Variants in SEC11C observed in about 807,000 individuals in gnomAD.
SEC11C encodes signal peptidase complex catalytic subunit SEC11C.
Under a neutral mutation model 21.9 loss-of-function variants are expected in SEC11C, and 10 were observed. That is an observed-to-expected ratio of 0.46 (90% CI 0.28 to 0.77). SEC11C has a LOEUF of 0.77. Among genes scored for constraint, SEC11C ranks in the 30% least tolerant of loss-of-function variants. The pLI is 0.12. For missense variants in SEC11C, 145 were observed against 244.5 expected (o/e 0.59, Z 2.71); for synonymous variants, 83 against 85.6 (o/e 0.97, Z 0.17).
intron 4 of SEC11C, chr18:59,157,168 TTA>T (rs2069427569): frequency 6.4e-6 from 1 of 156,592 alleles, no homozygotes; most frequent in African/African-American, 2.4e-5. Context: ...CATTTATTTG[TTA>T]TATCTGACAA....
intron 1 of SEC11C, among the ~76,000 whole-genome samples, chr18:59,140,612 A>G (rs1265557789): frequency 1.3e-5 from 2 of 152,100 alleles, no homozygotes; most frequent in African/African-American, 2.4e-5. Context: ...ATCATTGTGG[A>G]CTCAACCAGT....
rs1172135178 is a variant in SEC11C at position 59,149,476 on chromosome 18, AT to A, written c.88-35del. ...TTCACAGGTTGGTGGATCTTCTGCT[AT>A]TGGTTTTCATCGTGGTTTCCTCTTT... On this transcript the variant is annotated intron_variant, in intron 1 of 5. Coordinates refer to ENST00000587834, the MANE Select transcript of SEC11C (RefSeq NM_033280.4). 10 of 1,364,044 alleles carry A rather than the reference AT, an allele frequency of 7.3e-6. No individual in the cohort carries two copies. The South Asian group carries it at 1.1e-4, about 15-fold the overall frequency. The allele number at this position is 1,364,044 out of a possible 1,614,324, so 84.5% of individuals were successfully genotyped here.
chr18:59,144,774 A>G (rs1443333591), intron 1 of SEC11C, among the ~76,000 whole-genome samples: 1 of 151,032 alleles, frequency 6.6e-6, no homozygotes, highest in Non-Finnish European at 1.5e-5. Context: ...AAAAAAAGGA[A>G]GGGGTTGCAA....
chr18:59,157,730 C>A, intron 5 of SEC11C, 65 bp downstream of exon 5: 2 of 1,107,418 alleles, frequency 1.8e-6, no homozygotes, highest in Non-Finnish European at 1.4e-6. Context: ...ACTTCTGCAA[C>A]TGTAAACAGG....
chr18:59,154,852 G>T (rs552318876), intron 3 of SEC11C, among the ~76,000 whole-genome samples: 5 of 152,176 alleles, frequency 3.3e-5, no homozygotes, highest in Non-Finnish European at 5.9e-5. Context: ...GATCACTTGA[G>T]GTCAGGAGTT....
chr18:59,155,657 A>G (rs773763624), intron 3 of SEC11C, 31 bp from the exon 4 acceptor site: 4 of 1,602,524 alleles, frequency 2.5e-6, no homozygotes, highest in East Asian at 2.2e-5. Context: ...GCTGAAAATA[A>G]TTTTTGAGAA....
rs926694296 is a variant in SEC11C at position 59,154,762 on chromosome 18, A to G, written c.348-926A>G. Reference sequence around the variant, plus strand: ...TCTAGAGTGAAGAGGAATAGCATCCATGTTAACAAATTGGTCTATGAGGCT... The same window carrying G: ...TCTAGAGTGAAGAGGAATAGCATCCGTGTTAACAAATTGGTCTATGAGGCT... On this transcript the variant is annotated intron_variant, in intron 3 of 5. Transcript: ENST00000587834. Among the ~76,000 whole-genome samples, 5 of 152,326 alleles carry G rather than the reference A, an allele frequency of 3.3e-5. No homozygotes were observed. In the East Asian group the frequency reaches 9.6e-4, roughly 29 times the overall value.
chr18:59,148,622 T>C (rs908498739), intron 1 of SEC11C, among the ~76,000 whole-genome samples: 3 of 150,162 alleles, frequency 2.0e-5, no homozygotes, highest in African/African-American at 7.3e-5. Context: ...TGTGCTCCTT[T>C]TTTTTTTTTG....
chr18:59,140,112 G>A, intron 1 of SEC11C, 77 bp downstream of exon 1: 3 of 1,302,108 alleles, frequency 2.3e-6, no homozygotes, highest in Non-Finnish European at 3.1e-6. Context: ...CCCAGTCAGG[G>A]CTCCGGCTCC....
intron 1 of SEC11C, among the ~76,000 whole-genome samples, chr18:59,140,434 G>A (rs1305437982): frequency 6.6e-6 from 1 of 152,248 alleles, no homozygotes; most frequent in African/African-American, 2.4e-5. Flanking sequence ...CCGGCAGGTG[G>A]AAGAGGCAGA....
chr18:59,147,167 T>C (rs2069286356), intron 1 of SEC11C: 1 of 152,242 alleles, frequency 6.6e-6, no homozygotes, highest in Non-Finnish European at 1.5e-5. Flanking sequence ...TCACTCCGAC[T>C]TTTCCAGGCC....
chr18:59,147,883 A>G (rs2069296011), intron 1 of SEC11C: 1 of 152,262 alleles, frequency 6.6e-6, no homozygotes, highest in Non-Finnish European at 1.5e-5. Flanking sequence ...GACTGTGCAC[A>G]CTGCATGCTG....
chr18:59,157,466 C>A, intron 4 of SEC11C, 142 bp from the exon 5 acceptor site: 1 of 675,440 alleles, frequency 1.5e-6, no homozygotes, highest in Non-Finnish European at 2.6e-6. Context: ...TGAGACAGGG[C>A]TGAATACATC....
chr18:59,142,331 A>G (rs1260955650), intron 1 of SEC11C, among the ~76,000 whole-genome samples: 2 of 152,186 alleles, frequency 1.3e-5, no homozygotes, highest in East Asian at 1.9e-4. Context: ...ATACTGGAAA[A>G]TATATTCTTG....
At chr18:59,149,381 T>G in intron 1 of SEC11C, 132 bp from the exon 2 acceptor site, 2 of 574,464 alleles carry the variant, frequency 3.5e-6, no homozygotes, top group Non-Finnish European at 6.5e-6. Flanking sequence ...ACTGCAGAAT[T>G]TTGTACCTTG....
At chr18:59,144,913 C>G (rs2069253136) in intron 1 of SEC11C, among the ~76,000 whole-genome samples, 2 of 151,948 alleles carry the variant, frequency 1.3e-5, no homozygotes, top group African/African-American at 2.4e-5. Context: ...TTTCTTATTG[C>G]TGATTTGTTT....
Position 59,139,928 on chromosome 18 carries a change from T to C in SEC11C, c.-21T>C. 1 of 1,508,274 alleles carries C rather than the reference T, an allele frequency of 6.6e-7. No homozygotes were observed. Among genetic ancestry groups the C allele is most frequent in the Admixed American group, 2.2e-5 (1 of 46,186 alleles). The allele number at this position is 1,508,274 out of a possible 1,614,324, so 93.4% of individuals were successfully genotyped here. On this transcript the variant is annotated 5_prime_UTR_variant, in exon 1 of 6. Coordinates refer to ENST00000587834, the MANE Select transcript of SEC11C (RefSeq NM_033280.4). ...GTGCCACCCAGAGCCGGCGGGCCGCTAGGTCCCCGGAGACCCTGCTATGGT... is the reference window on the plus strand; with the variant it reads ...GTGCCACCCAGAGCCGGCGGGCCGCCAGGTCCCCGGAGACCCTGCTATGGT...
intron 1 of SEC11C, among the ~76,000 whole-genome samples, chr18:59,142,009 G>T (rs1178267265): frequency 6.6e-6 from 1 of 152,182 alleles, no homozygotes; most frequent in Non-Finnish European, 1.5e-5. Context: ...TACAAAGTTG[G>T]TAGGCAAAGG....
intron 3 of SEC11C, among the ~76,000 whole-genome samples, chr18:59,153,545 A>G (rs1383407906): frequency 6.6e-6 from 1 of 151,958 alleles, no homozygotes; most frequent in African/African-American, 2.4e-5. Context: ...TTAGATTCCC[A>G]TTCCATTCAC....
Sources: gnomAD v4.1 joint callset for allele counts (sites outside exome capture counted in the v4.1 genomes callset) on GRCh38, gnomAD v4.1.1 for gene constraint, MANE v1.5 for transcripts, NCBI Gene and HGNC (gene_info 2026-07-23, HGNC 2026-07-21) for gene names.